The following RBFOX1 variants were observed in gnomAD, a reference collection of about 807,000 sequenced individuals.
The protein encoded by RBFOX1 is RNA binding fox-1 homolog 1.
RBFOX1 carries 8 observed loss-of-function variants against 57.7 expected under a neutral mutation model. The ratio of observed to expected loss-of-function variants is 0.14; its 90% CI spans 0.08 to 0.25. The LOEUF is 0.25. Ranked by LOEUF, RBFOX1 falls within the 10% of genes least tolerant of loss-of-function variation. The probability of loss-of-function intolerance (pLI) is 1.00; values close to 1 mark genes in which losing one functional copy is unlikely to be tolerated. For synonymous variants in RBFOX1, 326 were observed against 222.4 expected, an observed-to-expected ratio of 1.47 and a Z score of -4.15; for missense variants, 611 against 548.5, an observed-to-expected ratio of 1.11 and a Z score of -1.14.
chr16:7,135,529 TAAG>T (rs1386939926), intron 4 of RBFOX1, among the ~76,000 whole-genome samples: 3 of 152,224 alleles, frequency 2.0e-5, no homozygotes, highest in Admixed American at 6.5e-5. Flanking sequence ...GACAGAGCAA[TAAG>T]AAGATAATTA....
chr16:7,694,135 T>G (rs1294804365), intron 14 of RBFOX1, among the ~76,000 whole-genome samples: 1 of 152,176 alleles, frequency 6.6e-6, no homozygotes, highest in East Asian at 1.9e-4. Flanking sequence ...TCTTTTTCCT[T>G]TTGTCGTTTT....
intron 1 of RBFOX1, among the ~76,000 whole-genome samples, chr16:5,241,715 C>T (rs2062172088): frequency 6.6e-6 from 1 of 152,196 alleles, no homozygotes; most frequent in African/African-American, 2.4e-5. Flanking sequence ...GTGCCTGGCA[C>T]ATAGTGTATG....
At chr16:5,365,631 G>C (rs895819661) in intron 1 of RBFOX1, among the ~76,000 whole-genome samples, 1 of 152,152 alleles carries the variant, frequency 6.6e-6, no homozygotes, top group Non-Finnish European at 1.5e-5. Flanking sequence ...ATCGTGCACT[G>C]TACTCCAGCC....
At chr16:7,341,587 T>C (rs943489753) in intron 4 of RBFOX1, among the ~76,000 whole-genome samples, 24 of 152,132 alleles carry the variant, frequency 1.6e-4, no homozygotes, top group Non-Finnish European at 3.2e-4. Context: ...CTGTCAGTGG[T>C]CTGACACTCA....
At chr16:5,528,699 G>C (rs985829344) in intron 2 of RBFOX1, among the ~76,000 whole-genome samples, 17 of 150,620 alleles carry the variant, frequency 1.1e-4, no homozygotes, top group African/African-American at 4.2e-4. Context: ...GCCCAGGCTG[G>C]ACTGCAGTGG....
chr16:7,483,169 C>A (rs1480841808), intron 4 of RBFOX1, among the ~76,000 whole-genome samples: 1 of 152,190 alleles, frequency 6.6e-6, no homozygotes, highest in Non-Finnish European at 1.5e-5. Context: ...CAGAGCAGTG[C>A]AGAATATTTA....
chr16:6,589,866 C>G lies in RBFOX1; in HGVS notation c.-63-64737C>G, dbSNP rs1443384702. ...ATGGAGCCAGTTAGGTCATACCTCTCTTTCACTGTTTCGATTTCCTCAGCT... is the reference window on the plus strand; with the variant it reads ...ATGGAGCCAGTTAGGTCATACCTCTGTTTCACTGTTTCGATTTCCTCAGCT... On this transcript the variant is annotated intron_variant, in intron 2 of 15. Coordinates refer to ENST00000550418, the MANE Select transcript of RBFOX1 (RefSeq NM_018723.4). Among the ~76,000 whole-genome samples, 6 of 152,320 alleles carry G rather than the reference C, an allele frequency of 3.9e-5. 1 individual carries two copies. The South Asian group carries it at 1.2e-3, about 32-fold the overall frequency.
intron 3 of RBFOX1, among the ~76,000 whole-genome samples, chr16:6,880,897 C>G (rs767487700): frequency 6.6e-6 from 1 of 152,178 alleles, no homozygotes; most frequent in African/African-American, 2.4e-5. Context: ...CTACTTGAAG[C>G]TGTTGAGCTT....
chr16:5,693,608 G>A lies in RBFOX1; in HGVS notation c.318+94647G>A, dbSNP rs369474705. ...AATCATGCTGCTGTGGAGGGTGGGT[G>A]GTGATGGATTTCAGTGTGGGTGTTT... On this transcript the variant is annotated intron_variant, in intron 3 of 19. Transcript: ENST00000641259. 2.0e-5 allele frequency among the ~76,000 whole-genome samples: 3 copies of A among 152,238 alleles called. No individual in the cohort carries two copies. The East Asian group carries it at 5.8e-4, about 29-fold the overall frequency.
chr16:5,646,094 A>G (rs149593738), intron 3 of RBFOX1, among the ~76,000 whole-genome samples: 2,173 of 151,682 alleles, frequency 0.014, 61 homozygotes, highest in African/African-American at 0.05. Context: ...CGGTGGCACA[A>G]TCTTGGCTCA....
At chr16:6,506,481 C>G (rs1216983108) in intron 2 of RBFOX1, among the ~76,000 whole-genome samples, 1 of 151,876 alleles carries the variant, frequency 6.6e-6, no homozygotes, top group Admixed American at 6.6e-5. Flanking sequence ...GGGAATGAAC[C>G]AAGACTCTAT....
At chr16:7,019,268 A>G (rs1183030956) in intron 3 of RBFOX1, among the ~76,000 whole-genome samples, 1 of 152,006 alleles carries the variant, frequency 6.6e-6, no homozygotes, top group Non-Finnish European at 1.5e-5. Context: ...GTGCTTGAGA[A>G]AAAAACAGGT....
rs1567536292 is a variant in RBFOX1 at position 5,455,013 on chromosome 16, TTCTTTCTTTC to T, written c.220-12199_220-12190del. On this transcript the variant is annotated intron_variant, in intron 1 of 2. Transcript: ENST00000585867. ...TTTCTTTCTTTCTTTCTTTCTTTCT[TTCTTTCTTTC>T]TCTCTCTCTGTCTGTCTCTCTTTCT... is the stretch of plus-strand genomic sequence containing the variant. 9.5e-5 allele frequency among the ~76,000 whole-genome samples: 11 copies of T among 115,778 alleles called. 1 individual carries two copies. Among genetic ancestry groups the T allele is most frequent in the Admixed American group, 3.9e-4 (4 of 10,282 alleles). The allele number at this position is 115,778 out of a possible 152,430, so 76.0% of individuals were successfully genotyped here.
intron 1 of RBFOX1, among the ~76,000 whole-genome samples, chr16:5,447,974 G>T (rs1269131473): frequency 6.6e-6 from 1 of 152,140 alleles, no homozygotes; most frequent in Non-Finnish European, 1.5e-5. Flanking sequence ...CAATGGAGTG[G>T]GTCGTTCTGG....
At chr16:7,677,044 G>A (rs377326448) in intron 14 of RBFOX1, among the ~76,000 whole-genome samples, 239 of 151,900 alleles carry the variant, frequency 1.6e-3, no homozygotes, top group African/African-American at 5.3e-3. Flanking sequence ...TCTCTCTGCT[G>A]AGACACAAAG....
intron 4 of RBFOX1, among the ~76,000 whole-genome samples, chr16:7,125,693 A>AC (rs1391343340): frequency 6.6e-6 from 1 of 151,658 alleles, no homozygotes; most frequent in Non-Finnish European, 1.5e-5. Flanking sequence ...AAAATTTAAC[A>AC]CTTTTTTTTT....
intron 4 of RBFOX1, among the ~76,000 whole-genome samples, chr16:7,184,953 T>G (rs950274483): frequency 4.6e-5 from 7 of 152,172 alleles, no homozygotes; most frequent in African/African-American, 1.7e-4. Context: ...TTTACATATG[T>G]TACCTCTCTC....
intron 2 of RBFOX1, among the ~76,000 whole-genome samples, chr16:5,591,121 CAAAT>C (rs1459434144): frequency 1.3e-5 from 2 of 151,034 alleles, no homozygotes; most frequent in Non-Finnish European, 2.9e-5. Flanking sequence ...TTTTAAAAAT[CAAAT>C]AAAAAGTATC....
intron 3 of RBFOX1, among the ~76,000 whole-genome samples, chr16:5,657,463 T>G (rs2049465773): frequency 6.6e-6 from 1 of 152,092 alleles, no homozygotes; most frequent in Non-Finnish European, 1.5e-5. Context: ...TGGGGTGGAA[T>G]AAGAATGCAA....
Sources: allele counts gnomAD v4.1 joint callset (sites outside exome capture counted in the v4.1 genomes callset), GRCh38; gene constraint gnomAD v4.1.1; transcripts MANE v1.5; gene names NCBI Gene and HGNC (gene_info 2026-07-23, HGNC 2026-07-21).